AKT2: variants seen among roughly 807,000 people sequenced by gnomAD.
The protein encoded by AKT2 is RAC-beta serine/threonine-protein kinase.
A neutral mutation model predicts 58.6 loss-of-function variants in AKT2; 16 were observed. The ratio of observed to expected loss-of-function variants is 0.27; its 90% CI spans 0.18 to 0.41. The LOEUF is 0.41. AKT2 is among the 10% of genes least tolerant of loss of function. The probability of loss-of-function intolerance (pLI) is 1.00; values close to 1 mark genes in which losing one functional copy is unlikely to be tolerated. For synonymous variants in AKT2, 253 were observed against 254.0 expected (o/e 1.00, Z 0.04); for missense variants, 438 against 661.0 (o/e 0.66, Z 3.70).
In AKT2 at chr19:40,235,867, G is replaced by T. The variant is rs559041120; in HGVS notation, c.1175+23C>A. ...GTGGCAGCAGCTGGCGCTGGGCTGG[G>T]TGGGGCCGACGCCAGCCCTCACCTC... On this transcript the variant is annotated intron_variant, in intron 11 of 13. Coordinates refer to ENST00000392038, the MANE Select transcript of AKT2 (RefSeq NM_001626.6). The surrounding 1 kb of genome is among the most constrained non-coding windows in gnomAD (Gnocchi z 6.3). 5 of 1,593,996 alleles carry T rather than the reference G, an allele frequency of 3.1e-6. No homozygotes were observed. Among genetic ancestry groups the T allele is most frequent in the African/African-American group, 2.7e-5 (2 of 74,674 alleles).
intron 3 of AKT2, 31 bp downstream of exon 3, chr19:40,256,895 A>G (rs998412109): frequency 1.9e-6 from 3 of 1,613,750 alleles, no homozygotes; most frequent in Non-Finnish European, 2.5e-6. Flanking sequence ...TGTGAGCACC[A>G]GAACACTGAC....
rs144523396 is a variant in AKT2, at chr19:40,244,759, C to T, written c.288-2072G>A. 9.2e-3 allele frequency among the ~76,000 whole-genome samples: 1,408 copies of T among 152,354 alleles called. 22 individuals carry two copies. Among genetic ancestry groups the T allele is most frequent in the Non-Finnish European group, 7.3e-3 (497 of 68,044 alleles). On this transcript the variant is annotated intron_variant, in intron 4 of 13. Coordinates refer to ENST00000392038, the MANE Select transcript of AKT2 (RefSeq NM_001626.6). ...TTCACAGCATCTTCCAGGATGGCCC[C>T]CGCCCCAGGGCAAGTGTCACTGCTC...
intron 4 of AKT2, among the ~76,000 whole-genome samples, chr19:40,251,099 G>T (rs890541674): frequency 6.6e-6 from 1 of 151,964 alleles, no homozygotes; most frequent in Non-Finnish European, 1.5e-5. Flanking sequence ...AGCTACTCAG[G>T]ATCCTGAGGC....
At chr19:40,256,792 A>C in intron 3 of AKT2, 134 bp downstream of exon 3, 1 of 1,350,492 alleles carries the variant, frequency 7.4e-7, no homozygotes, top group Non-Finnish European at 1.0e-6. Flanking sequence ...GAGCAGGGGA[A>C]GGGTGAAAAC....
Position 40,235,243 on chromosome 19 carries a change from G to A in AKT2, c.1263+20C>T, listed in dbSNP as rs560745699. ...GGCCAGGTCCCTGAGGGTCCTGCTG[G>A]GGCAAGCAGTGGGGCTCACCTTCTT... is the stretch of plus-strand genomic sequence containing the variant. On this transcript the variant is annotated intron_variant, in intron 12 of 13. Transcript: ENST00000392038. The surrounding 1 kb of genome is among the most constrained non-coding windows in gnomAD (Gnocchi z 6.3). 1.7e-5 allele frequency: 28 copies of A among 1,614,032 alleles called. No homozygotes were observed. In the African/African-American group the frequency reaches 2.5e-4, roughly 15 times the overall value.
In AKT2 at chr19:40,273,475, CTT is replaced by C. The variant is rs11287076; in HGVS notation, c.-84-8126_-84-8125del. On this transcript the variant is annotated intron_variant, in intron 1 of 13. Coordinates refer to ENST00000392038, the MANE Select transcript of AKT2 (RefSeq NM_001626.6). Reference sequence around the variant, plus strand: ...TGGTGAGAAGGTGGCACTGAAGAAACTTTTTTTTTTTTTTCCTGAAAAGGTCT... The same window carrying C: ...TGGTGAGAAGGTGGCACTGAAGAAACTTTTTTTTTTTTCCTGAAAAGGTCT... 813 of 142,014 alleles carry C rather than the reference CTT, an allele frequency of 5.7e-3. 5 individuals carry two copies. Among genetic ancestry groups the C allele is most frequent in the African/African-American group, 0.018 (693 of 38,632 alleles). The allele number at this position is 142,014 out of a possible 1,614,324, so 8.8% of individuals were successfully genotyped here.
chr19:40,241,750 G>A (rs1974420956), intron 6 of AKT2, 188 bp downstream of exon 6: 3 of 858,778 alleles, frequency 3.5e-6, no homozygotes, highest in Admixed American at 4.4e-5. Flanking sequence ...GGGTGGAGGT[G>A]GGGACTCAGC....
Position 40,236,362 on chromosome 19 carries a change from T to C in AKT2, c.855A>G (p.Lys285=). The C allele has an allele frequency of 6.2e-7, 1 of 1,614,150 alleles. No individual in the cohort carries two copies. Among genetic ancestry groups the C allele is most frequent in the Non-Finnish European group, 8.5e-7 (1 of 1,180,028 alleles). The part of the protein sequence containing the change: ...DIKLENLMLD[K]DGHIKITDFG... ...AGTCAGTGATCTTGATGTGGCCATC[T>C]TTGTCCAGCATGAGGTTTTCCAGCT... The change falls in exon 10 of 14, where the codon AAA becomes AAG. Residue 285 remains lysine (K), a synonymous_variant. Coordinates refer to ENST00000392038, the MANE Select transcript of AKT2 (RefSeq NM_001626.6).
intron 4 of AKT2, among the ~76,000 whole-genome samples, chr19:40,253,963 C>A (rs1351371346): frequency 2.1e-5 from 3 of 144,048 alleles, no homozygotes; most frequent in African/African-American, 7.8e-5. Flanking sequence ...GAAGCATGTA[C>A]AATGCTACCT....
intron 1 of AKT2, 137 bp from the exon 2 acceptor site, chr19:40,265,488 G>C: frequency 8.2e-7 from 1 of 1,220,046 alleles, no homozygotes; most frequent in Non-Finnish European, 1.1e-6. Context: ...GTGGCGTGGA[G>C]CCCGCTCTCA....
Position 40,236,096 on chromosome 19 carries a change from C to T in AKT2, c.969G>A (p.Glu323=), listed in dbSNP as rs958274354. 6.2e-7 allele frequency: 1 copy of T among 1,614,000 alleles called. No individual in the cohort carries two copies. The highest frequency in any genetic ancestry group is 8.5e-7 in the Non-Finnish European group (1 of 1,180,048). The part of the protein sequence containing the change: ...TPEYLAPEVL[E]DNDYGRAVDW... ...CCACGGCCCGGCCATAGTCATTGTC[C>T]TCCAGCACCTGAGGATGGAGGAGAA... The change falls in exon 11 of 14, where the codon GAG becomes GAA. Residue 323 remains glutamate (E), a synonymous_variant. Coordinates refer to ENST00000392038, the MANE Select transcript of AKT2 (RefSeq NM_001626.6).
At chr19:40,243,404 C>T (rs1599989962) in intron 4 of AKT2, 1 of 152,946 alleles carries the variant, frequency 6.5e-6, no homozygotes, top group East Asian at 1.9e-4. Context: ...TAAGAAGCAG[C>T]ATTCATTAGC....
At position 40,235,964 on chromosome 19, in the gene AKT2, G is replaced by C; in HGVS notation, c.1101C>G (p.Ile367Met). Reference protein sequence around the residue: ...RLFELILMEEIRFPRTLSPEA... With the variant: ...RLFELILMEEMRFPRTLSPEA... Reference sequence around the variant, plus strand: ...CGGGGCTGAGCGTGCGCGGGAAGCGGATCTCTTCCATGAGGATGAGCTCGA... The same window carrying C: ...CGGGGCTGAGCGTGCGCGGGAAGCGCATCTCTTCCATGAGGATGAGCTCGA... The change falls in exon 11 of 14, where the codon ATC (isoleucine) becomes ATG (methionine). Residue 367 changes from isoleucine to methionine, a missense_variant. Ile to Met is a conservative substitution (Grantham distance 10). Coordinates refer to ENST00000392038, the MANE Select transcript of AKT2 (RefSeq NM_001626.6). The surrounding 1 kb of genome is among the most constrained non-coding windows in gnomAD (Gnocchi z 6.3). The C allele has an allele frequency of 6.2e-7, 1 of 1,614,034 alleles. No individual in the cohort carries two copies. Among genetic ancestry groups the C allele is most frequent in the Non-Finnish European group, 8.5e-7 (1 of 1,180,018 alleles).
chr19:40,283,623 G>C (rs183660552), intron 1 of AKT2, among the ~76,000 whole-genome samples: 3 of 152,162 alleles, frequency 2.0e-5, no homozygotes, highest in Non-Finnish European at 1.5e-5. Flanking sequence ...AAGGCTACAG[G>C]GCAAGCCAAG....
chr19:40,262,593 G>C (rs918006473), intron 2 of AKT2, among the ~76,000 whole-genome samples: 1 of 152,218 alleles, frequency 6.6e-6, no homozygotes, highest in Non-Finnish European at 1.5e-5. Context: ...AGCTTGCTGG[G>C]TGAGAGGCAG....
rs78894012 is a variant in AKT2 at position 40,278,381 on chromosome 19, C to A, written c.-85+6800G>T. Reference sequence around the variant, plus strand: ...GTGAGAGCAGACACCTTAAGCTCTGCAGCAGTGCCCAGCACTGAGAGGCGA... The same window carrying A: ...GTGAGAGCAGACACCTTAAGCTCTGAAGCAGTGCCCAGCACTGAGAGGCGA... On this transcript the variant is annotated intron_variant, in intron 1 of 13. Transcript: ENST00000392038. Among the ~76,000 whole-genome samples, 284 of 152,280 alleles carry A rather than the reference C, an allele frequency of 1.9e-3. 2 individuals carry two copies. The highest frequency in any genetic ancestry group is 6.7e-3 in the African/African-American group (278 of 41,558).
At chr19:40,270,371 C>T (rs1039928127) in intron 1 of AKT2, 7 of 151,938 alleles carry the variant, frequency 4.6e-5, no homozygotes, top group Non-Finnish European at 7.3e-5. Flanking sequence ...GGAGTGGGTA[C>T]TTAATAAGTA....
intron 2 of AKT2, among the ~76,000 whole-genome samples, chr19:40,261,680 T>C (rs1443303177): frequency 1.3e-5 from 2 of 152,164 alleles, no homozygotes; most frequent in Non-Finnish European, 2.9e-5. Context: ...TTTCTGTTCA[T>C]TATAAATTAC....
In AKT2 at chr19:40,230,589, T is replaced by G. The variant is rs1973652803; in HGVS notation, c.*3283A>C. ...ACAAAAAGAGCAGGAAACTACCAAT[T>G]TATGATGCCGTGTCCATTTGCAGAG... On this transcript the variant is annotated 3_prime_UTR_variant, in exon 14 of 14. Transcript: ENST00000392038. The G allele has an allele frequency of 4.4e-6, 1 of 228,632 alleles. No individual in the cohort carries two copies. Among genetic ancestry groups the G allele is most frequent in the Non-Finnish European group, 8.7e-6 (1 of 115,182 alleles). 14.2% of individuals were successfully genotyped at this position (228,632 alleles called of 1,614,324 possible).
Sources: gnomAD v4.1 joint callset for allele counts (sites outside exome capture counted in the v4.1 genomes callset) on GRCh38, gnomAD v4.1.1 for gene constraint, Gnocchi (gnomAD v3.1) non-coding constraint, MANE v1.5 for transcripts, NCBI Gene and HGNC (gene_info 2026-07-23, HGNC 2026-07-21) for gene names.